ARHGAP15: variants seen among roughly 807,000 people sequenced by gnomAD.
The protein encoded by ARHGAP15 is rho GTPase-activating protein 15.
A neutral mutation model predicts 63.7 loss-of-function variants in ARHGAP15; 51 were observed. The ratio of observed to expected loss-of-function variants is 0.80; its 90% confidence interval spans 0.64 to 1.01. ARHGAP15 has a LOEUF of 1.01. Among genes scored for constraint, ARHGAP15 ranks in the 50% least tolerant of loss-of-function variants. The probability of loss-of-function intolerance (pLI) is 0.00; values close to 1 mark genes in which losing one functional copy is unlikely to be tolerated. For missense variants in ARHGAP15, 560 were observed against 564.6 expected (o/e 0.99, Z 0.08); for synonymous variants, 191 against 193.8 (o/e 0.99, Z 0.12).
intron 12 of ARHGAP15, among the ~76,000 whole-genome samples, chr2:143,625,687 T>G (rs1437588321): frequency 6.6e-6 from 1 of 152,238 alleles, no homozygotes; most frequent in African/African-American, 2.4e-5. Flanking sequence ...TAACAGCTTT[T>G]TCTGATATTC....
intron 13 of ARHGAP15, among the ~76,000 whole-genome samples, chr2:143,757,109 C>A (rs1383504088): frequency 1.3e-5 from 2 of 151,910 alleles, no homozygotes; most frequent in Non-Finnish European, 2.9e-5. Flanking sequence ...AAAAGTTCAC[C>A]TGAAAATTTT....
chr2:143,475,758 A>G (rs779409894), intron 8 of ARHGAP15, among the ~76,000 whole-genome samples: 7 of 152,252 alleles, frequency 4.6e-5, no homozygotes, highest in Non-Finnish European at 1.0e-4. Context: ...ACAGCCAGAG[A>G]CAAGACCCAA....
chr2:143,167,191 G>A (rs779112977), intron 2 of ARHGAP15, among the ~76,000 whole-genome samples: 34 of 152,206 alleles, frequency 2.2e-4, no homozygotes, highest in Non-Finnish European at 4.4e-4. Flanking sequence ...CCTTCAAGTA[G>A]CCATAATTTA....
chr2:143,713,219 G>A (rs755973303), intron 13 of ARHGAP15, among the ~76,000 whole-genome samples: 1 of 152,126 alleles, frequency 6.6e-6, no homozygotes, highest in African/African-American at 2.4e-5. Flanking sequence ...CAGAATCATG[G>A]CGGGAGGCAA....
At chr2:143,554,522 A>G (rs1695705884) in intron 10 of ARHGAP15, among the ~76,000 whole-genome samples, 1 of 152,140 alleles carries the variant, frequency 6.6e-6, no homozygotes, top group Admixed American at 6.6e-5. Flanking sequence ...TAAGAGGGAA[A>G]ACTTTGAGAA....
intron 12 of ARHGAP15, among the ~76,000 whole-genome samples, chr2:143,657,498 G>A (rs1312982250): frequency 6.6e-6 from 1 of 152,106 alleles, no homozygotes; most frequent in Non-Finnish European, 1.5e-5. Flanking sequence ...TTTTGTACTA[G>A]CAAGATTTCT....
chr2:143,447,832 G>C (rs1283403010), intron 8 of ARHGAP15, among the ~76,000 whole-genome samples: 1 of 152,148 alleles, frequency 6.6e-6, no homozygotes, highest in African/African-American at 2.4e-5. Flanking sequence ...AACCCTTACA[G>C]ATTTTATGCA....
At chr2:143,650,622 C>T (rs1341390503) in intron 12 of ARHGAP15, among the ~76,000 whole-genome samples, 1 of 151,886 alleles carries the variant, frequency 6.6e-6, no homozygotes, top group Non-Finnish European at 1.5e-5. Flanking sequence ...AGGAAAGCAC[C>T]TTTGCCTTGT....
At chr2:143,227,009 A>G (rs148567708) in intron 4 of ARHGAP15, among the ~76,000 whole-genome samples, 2 of 152,334 alleles carry the variant, frequency 1.3e-5, no homozygotes, top group African/African-American at 4.8e-5. Flanking sequence ...ATTGACCTGA[A>G]TAAAGTCTTT....
intron 10 of ARHGAP15, among the ~76,000 whole-genome samples, chr2:143,541,066 T>A (rs1695023916): frequency 6.6e-6 from 1 of 152,218 alleles, no homozygotes; most frequent in African/African-American, 2.4e-5. Context: ...CTTGGAGGCT[T>A]TGTTCGTTTC....
intron 13 of ARHGAP15, among the ~76,000 whole-genome samples, chr2:143,714,946 A>G (rs914570262): frequency 3.3e-5 from 5 of 152,104 alleles, no homozygotes; most frequent in African/African-American, 4.8e-5. Flanking sequence ...AACTGCTCCA[A>G]CCTCTGCCTG....
intron 12 of ARHGAP15, among the ~76,000 whole-genome samples, chr2:143,694,696 G>T (rs1367629047): frequency 3.3e-5 from 5 of 152,280 alleles, no homozygotes; most frequent in Non-Finnish European, 7.4e-5. Flanking sequence ...TTTGATGTTT[G>T]TTTAATTAAT....
At chr2:143,259,276 CAGAAA>C (rs753399720) in intron 6 of ARHGAP15, among the ~76,000 whole-genome samples, 1 of 152,044 alleles carries the variant, frequency 6.6e-6, no homozygotes, top group Non-Finnish European at 1.5e-5. Context: ...ATTTGTCCAT[CAGAAA>C]AGAAAATATT....
intron 6 of ARHGAP15, among the ~76,000 whole-genome samples, chr2:143,377,198 G>A (rs563109126): frequency 6.6e-6 from 1 of 151,686 alleles, no homozygotes; most frequent in Non-Finnish European, 1.5e-5. Flanking sequence ...AAAAAATCCA[G>A]CCAATACTTA....
intron 12 of ARHGAP15, among the ~76,000 whole-genome samples, chr2:143,697,232 C>G (rs748226132): frequency 6.6e-6 from 1 of 152,084 alleles, no homozygotes; most frequent in South Asian, 2.1e-4. Context: ...GGAAAGCATA[C>G]TAAATAGTAA....
At chr2:143,380,196 T>C (rs1687002867) in intron 6 of ARHGAP15, among the ~76,000 whole-genome samples, 1 of 152,136 alleles carries the variant, frequency 6.6e-6, no homozygotes, top group Non-Finnish European at 1.5e-5. Flanking sequence ...GTCTCCTACT[T>C]AATCTACTAT....
At chr2:143,210,956 T>G (rs1269932772) in intron 3 of ARHGAP15, among the ~76,000 whole-genome samples, 1 of 151,414 alleles carries the variant, frequency 6.6e-6, no homozygotes, top group East Asian at 1.9e-4. Context: ...ATACTGAATC[T>G]ATGTCTAAAG....
chr2:143,258,805 A>C (rs1680557485), intron 6 of ARHGAP15, among the ~76,000 whole-genome samples: 1 of 152,086 alleles, frequency 6.6e-6, no homozygotes, highest in Non-Finnish European at 1.5e-5. Context: ...TTTAGTAGAG[A>C]GCTATTAGAT....
At chr2:143,592,732 A>G (rs1323037029) in intron 11 of ARHGAP15, among the ~76,000 whole-genome samples, 1 of 152,262 alleles carries the variant, frequency 6.6e-6, no homozygotes, top group African/African-American at 2.4e-5. Flanking sequence ...CTTATGCTTC[A>G]TACAAAACCT....
Sources: allele counts gnomAD v4.1 joint callset (sites outside exome capture counted in the v4.1 genomes callset), GRCh38; gene constraint gnomAD v4.1.1; transcripts MANE v1.5; gene names NCBI Gene and HGNC (gene_info 2026-07-23, HGNC 2026-07-21).